The following RPS6KA1 variants were observed in gnomAD, a reference collection of about 807,000 sequenced individuals.
RPS6KA1 encodes ribosomal protein S6 kinase A1.
Under a neutral mutation model 91.3 loss-of-function variants are expected in RPS6KA1, and 48 were observed. The ratio of observed to expected loss-of-function variants is 0.53; its 90% CI spans 0.42 to 0.67. The LOEUF is 0.67. RPS6KA1 is among the 30% of genes least tolerant of loss of function. The pLI is 0.00. For synonymous variants in RPS6KA1, 359 were observed against 384.7 expected (o/e 0.93, Z 0.78); for missense variants, 719 against 960.5 (o/e 0.75, Z 3.32).
In RPS6KA1 at chr1:26,534,414, G is replaced by C. The variant is rs1308567494; in HGVS notation, c.64-2511G>C. Among the ~76,000 whole-genome samples the C allele has an allele frequency of 2.6e-5, 4 of 152,272 alleles. No homozygotes were observed. In the East Asian group the frequency reaches 7.7e-4, roughly 29 times the overall value. On this transcript the variant is annotated intron_variant, in intron 1 of 21. Transcript: ENST00000374168. The stretch of plus-strand genomic sequence containing the variant: ...GAGAGGAGGGAGGAAAGAACATGAG[G>C]CTGTGTGGACAGGGGTGACATTTGA...
intron 11 of RPS6KA1, chr1:26,556,157 GCA>G: frequency 4.9e-6 from 1 of 202,228 alleles, no homozygotes. Context: ...GAACATGCCG[GCA>G]TGTAGTAGGT....
chr1:26,571,559 G>C lies in RPS6KA1; in HGVS notation c.1701G>C (p.Glu567Asp). The C allele has an allele frequency of 6.2e-7, 1 of 1,614,200 alleles. No homozygotes were observed. Residue 567 changes from glutamate to aspartate, a missense_variant, in exon 18 of 22, where the codon GAG (glutamate) becomes GAC (aspartate). Around this residue, in one of 5 missense-constraint regions of RPS6KA1, gnomAD observed 249 missense variants for 323.1 expected, o/e 0.77. Transcript: ENST00000374168. This position sits in a 1 kb window ranked among gnomAD's most constrained non-coding sequence, Gnocchi z 5.1. ...DFGFAKQLRA[E>D]NGLLMTPCYT... Reference sequence around the variant, plus strand: ...GTTTTGCCAAACAGCTGCGGGCTGAGAATGGGCTCCTCATGACACCTTGCT... The same window carrying C: ...GTTTTGCCAAACAGCTGCGGGCTGACAATGGGCTCCTCATGACACCTTGCT...
intron 17 of RPS6KA1, among the ~76,000 whole-genome samples, chr1:26,568,180 C>T (rs2124668182): frequency 6.6e-6 from 1 of 152,322 alleles, no homozygotes; most frequent in Middle Eastern, 3.4e-3. Flanking sequence ...AGCTGCTGTC[C>T]TCTGTGGACT....
At chr1:26,573,389 T>A in intron 21 of RPS6KA1, 28 bp downstream of exon 21, 1 of 1,613,582 alleles carries the variant, frequency 6.2e-7, no homozygotes, top group African/African-American at 1.3e-5. Context: ...CTGCTGGGCA[T>A]CTGGGGGGTC....
chr1:26,544,248 G>A (rs2075972756), intron 2 of RPS6KA1: 2 of 455,162 alleles, frequency 4.4e-6, no homozygotes, highest in Non-Finnish European at 8.8e-6. Context: ...TCTGTCTGTG[G>A]TTGGGTTCCA....
In RPS6KA1 at chr1:26,529,990, G is replaced by T. The variant is rs1469738598; in HGVS notation, c.63+7G>T. 7.2e-7 allele frequency: 1 copy of T among 1,389,738 alleles called. No individual in the cohort carries two copies. The highest frequency in any genetic ancestry group is 9.3e-7 in the Non-Finnish European group (1 of 1,069,564). The allele number at this position is 1,389,738 out of a possible 1,614,324, so 86.1% of individuals were successfully genotyped here. ...AGTGCCTCTGGACCCGGAGGTGAGTGAGCGGGGCGGGGGACGGGCGCCCGC... is the reference window on the plus strand; with the variant it reads ...AGTGCCTCTGGACCCGGAGGTGAGTTAGCGGGGCGGGGGACGGGCGCCCGC... On this transcript the variant is annotated splice_region_variant and intron_variant, in intron 1 of 21. Transcript: ENST00000374168. The surrounding 1 kb of genome is among the most constrained non-coding windows in gnomAD (Gnocchi z 4.2).
chr1:26,539,037 C>A lies in RPS6KA1; in HGVS notation c.108+2068C>A, dbSNP rs1349295961. ...CCCCCACCTTCGAGAAGCTTCCAAT[C>A]TTTGGGCAGAGGGTAGAGACAGGAA... On this transcript the variant is annotated intron_variant, in intron 2 of 21. Coordinates refer to ENST00000374168, the MANE Select transcript of RPS6KA1 (RefSeq NM_002953.4). Among the ~76,000 whole-genome samples the A allele has an allele frequency of 3.3e-5, 5 of 152,328 alleles. No homozygotes were observed. In the South Asian group the frequency reaches 1.0e-3, roughly 32 times the overall value.
chr1:26,543,981 G>T (rs2075970193), intron 2 of RPS6KA1: 1 of 429,308 alleles, frequency 2.3e-6, no homozygotes, highest in Non-Finnish European at 4.8e-6. Flanking sequence ...GGAAATGGGA[G>T]ATCTCAGAGG....
intron 2 of RPS6KA1, among the ~76,000 whole-genome samples, chr1:26,539,862 G>A (rs890527730): frequency 1.3e-5 from 2 of 152,202 alleles, no homozygotes; most frequent in Non-Finnish European, 2.9e-5. Context: ...TATCTCCGGA[G>A]CTGGACCCCT....
intron 12 of RPS6KA1, 125 bp from the exon 13 acceptor site, chr1:26,556,873 G>A (rs1338228113): frequency 8.5e-7 from 1 of 1,179,514 alleles, no homozygotes; most frequent in Non-Finnish European, 1.3e-6. Context: ...GCCTCCTGAG[G>A]GCAAGCAATT....
At chr1:26,548,775 G>A (rs1442085886) in intron 4 of RPS6KA1, among the ~76,000 whole-genome samples, 9 of 151,724 alleles carry the variant, frequency 5.9e-5, no homozygotes, top group Admixed American at 5.9e-4. Flanking sequence ...CTCCAGCCTG[G>A]GCGATGAGAG....
chr1:26,561,806 G>A lies in RPS6KA1; in HGVS notation c.1590+143G>A. On this transcript the variant is annotated intron_variant, in intron 17 of 21. Transcript: ENST00000374168. This position sits in a 1 kb window ranked among gnomAD's most constrained non-coding sequence, Gnocchi z 5.7. ...ACTAGGGCTGGGTGGGTGGATGCGT[G>A]CAAAGGAAGGAGGGAGAGATGTGGC... The A allele has an allele frequency of 1.3e-6, 1 of 770,188 alleles. No individual in the cohort carries two copies. The highest frequency in any genetic ancestry group is 2.9e-5 in the Admixed American group (1 of 34,378). 47.7% of individuals were successfully genotyped at this position (770,188 alleles called of 1,614,324 possible).
chr1:26,550,304 T>C (rs374379217), intron 4 of RPS6KA1, among the ~76,000 whole-genome samples: 1 of 150,686 alleles, frequency 6.6e-6, no homozygotes, highest in Non-Finnish European at 1.5e-5. Flanking sequence ...TGCCTCAGCC[T>C]CCTGAGTAGC....
chr1:26,530,005 CG>C, intron 1 of RPS6KA1, 22 bp downstream of exon 1: 1 of 1,323,368 alleles, frequency 7.6e-7, no homozygotes, highest in Non-Finnish European at 9.7e-7. Context: ...GGGCGGGGGA[CG>C]GGCGCCCGCG....
In RPS6KA1 at chr1:26,554,734, T is replaced by C; in HGVS notation, c.752T>C (p.Leu251Ser). Reference protein sequence around the residue: ...HSADWWSYGVLMFEMLTGSLP... With the variant: ...HSADWWSYGVSMFEMLTGSLP... ...GCGGACTGGTGGTCCTATGGGGTGT[T>C]GATGGTGAGTGCCCAGACAGGGGTA... The change falls in exon 9 of 22, where the codon TTG (leucine) becomes TCG (serine). Residue 251 changes from leucine to serine, a missense_variant. Around this residue, in one of 5 missense-constraint regions of RPS6KA1, gnomAD observed 228 missense variants for 247.6 expected, o/e 0.92. Coordinates refer to ENST00000374168, the MANE Select transcript of RPS6KA1 (RefSeq NM_002953.4). This position sits in a 1 kb window ranked among gnomAD's most constrained non-coding sequence, Gnocchi z 4.6. 1 of 1,599,516 alleles carries C rather than the reference T, an allele frequency of 6.3e-7. No individual in the cohort carries two copies.
At position 26,574,879 on chromosome 1, in the gene RPS6KA1, T is replaced by G. The variant is rs968117105; in HGVS notation, c.*678T>G. The G allele has an allele frequency of 2.1e-5, 4 of 193,866 alleles. No individual in the cohort carries two copies. Among genetic ancestry groups the G allele is most frequent in the Non-Finnish European group, 4.3e-5 (4 of 92,098 alleles). The allele number at this position is 193,866 out of a possible 1,614,324, so 12.0% of individuals were successfully genotyped here. On this transcript the variant is annotated 3_prime_UTR_variant, in exon 22 of 22. Transcript: ENST00000374168. This position sits in a 1 kb window ranked among gnomAD's most constrained non-coding sequence, Gnocchi z 4.3. ...GAGGATGTGGAAAGCACTTTTTGGC[T>G]GACTTCATCTGGGGTTGGCAACAGG...
chr1:26,557,578 C>T (rs1041628239), intron 13 of RPS6KA1, among the ~76,000 whole-genome samples: 14 of 152,162 alleles, frequency 9.2e-5, no homozygotes, highest in African/African-American at 3.4e-4. Flanking sequence ...GGAACAAGGG[C>T]ACAGCCACAA....
Position 26,561,196 on chromosome 1 carries a change from A to C in RPS6KA1, c.1431+62A>C. 6 of 1,446,414 alleles carry C rather than the reference A, an allele frequency of 4.1e-6. No individual in the cohort carries two copies. Among genetic ancestry groups the C allele is most frequent in the Non-Finnish European group, 5.8e-6 (6 of 1,031,302 alleles). The allele number at this position is 1,446,414 out of a possible 1,614,324, so 89.6% of individuals were successfully genotyped here. A position where few individuals can be genotyped will look rare whatever the true frequency, so the allele number is the denominator to read the frequency against. ...GAACTCAACTCTCAGGATTTGTCTC[A>C]GGATTGCCATTCCTTTGACTTCTCA... On this transcript the variant is annotated intron_variant, in intron 16 of 21. Transcript: ENST00000374168. The surrounding 1 kb of genome is among the most constrained non-coding windows in gnomAD (Gnocchi z 5.7).
chr1:26,534,156 CA>C (rs1474966623), intron 1 of RPS6KA1, among the ~76,000 whole-genome samples: 1 of 152,242 alleles, frequency 6.6e-6, no homozygotes, highest in Non-Finnish European at 1.5e-5. Flanking sequence ...GTTATGGTCA[CA>C]TGTCTGCCAC....
Sources: allele counts gnomAD v4.1 joint callset (sites outside exome capture counted in the v4.1 genomes callset), GRCh38; gene constraint gnomAD v4.1.1; regional missense constraint gnomAD v4.1.1; non-coding constraint Gnocchi (gnomAD v3.1); transcripts MANE v1.5; gene names NCBI Gene and HGNC (gene_info 2026-07-23, HGNC 2026-07-21).